KLF7: variants seen among roughly 807,000 people sequenced by gnomAD.
KLF7 encodes KLF transcription factor 7.
Under a neutral mutation model 27.3 loss-of-function variants are expected in KLF7, and 2 were observed. The observed-to-expected ratio is 0.07, with a 90% CI of 0.03 to 0.23. The LOEUF (loss-of-function observed/expected upper bound fraction) is 0.23. Ranked by LOEUF, KLF7 falls within the 10% of genes least tolerant of loss-of-function variation. The pLI, the probability that KLF7 is intolerant of heterozygous loss-of-function variation, is 1.00. For synonymous variants in KLF7, 165 were observed against 162.4 expected (o/e 1.02, Z -0.12); for missense variants, 221 against 394.1 (o/e 0.56, Z 3.72).
intron 1 of KLF7, among the ~76,000 whole-genome samples, chr2:207,153,055 A>G (rs1194582356): frequency 1.3e-5 from 2 of 152,184 alleles, no homozygotes; most frequent in Non-Finnish European, 2.9e-5. Context: ...TCCTAAATCT[A>G]CCTACACTGT....
At chr2:207,159,240 T>C (rs184047579) in intron 1 of KLF7, among the ~76,000 whole-genome samples, 37 of 152,372 alleles carry the variant, frequency 2.4e-4, no homozygotes, top group Non-Finnish European at 4.3e-4. Flanking sequence ...CTGGCCATTA[T>C]GGATATGTGT....
chr2:207,132,868 C>A (rs900947266), intron 1 of KLF7, among the ~76,000 whole-genome samples: 1 of 152,234 alleles, frequency 6.6e-6, no homozygotes, highest in African/African-American at 2.4e-5. Flanking sequence ...CCTCAAAATT[C>A]AATGCGACCA....
upstream of KLF7, chr2:207,166,782 A>AGG: frequency 1.0e-6 from 1 of 993,070 alleles, no homozygotes; most frequent in Non-Finnish European, 1.2e-6. Flanking sequence ...AAAGGCATCC[A>AGG]GGGCCCCTTC....
upstream of KLF7, chr2:207,166,413 A>C (rs1386274255): frequency 2.6e-5 from 4 of 155,032 alleles, no homozygotes; most frequent in African/African-American, 9.7e-5. Context: ...AGGGACAGGG[A>C]GGGTCGTGGC....
intron 2 of KLF7, among the ~76,000 whole-genome samples, chr2:207,108,945 C>A (rs1019952272): frequency 6.6e-6 from 1 of 152,234 alleles, no homozygotes; most frequent in Non-Finnish European, 1.5e-5. Context: ...AACTCATACA[C>A]CAAGATCCAC....
Position 207,079,075 on chromosome 2 carries a change from T to TG in KLF7, c.*2137_*2138insC. 6.6e-6 allele frequency: 1 copy of TG among 151,650 alleles called. No homozygotes were observed. 9.4% of individuals were successfully genotyped at this position (151,650 alleles called of 1,614,324 possible). ...GTTTTGTATTATTTTGTTTTTTTTT[T>TG]TGTTTTTGTTTTTGTTTTTTTTGGT... On this transcript the variant is annotated 3_prime_UTR_variant, in exon 4 of 4. Transcript: ENST00000309446.
chr2:207,114,172 T>C (rs1420637702), intron 2 of KLF7, among the ~76,000 whole-genome samples: 1 of 152,238 alleles, frequency 6.6e-6, no homozygotes, highest in East Asian at 1.9e-4. Flanking sequence ...ATTGATTTTC[T>C]GACATTCTCT....
chr2:207,136,653 G>A (rs922000865), intron 1 of KLF7, among the ~76,000 whole-genome samples: 1 of 152,144 alleles, frequency 6.6e-6, no homozygotes, highest in African/African-American at 2.4e-5. Flanking sequence ...TATTAACATA[G>A]AAGTTTCAGG....
chr2:207,082,230 AT>A (rs2076289168), intron 3 of KLF7, among the ~76,000 whole-genome samples: 1 of 152,182 alleles, frequency 6.6e-6, no homozygotes, highest in Non-Finnish European at 1.5e-5. Flanking sequence ...AACAACAGCC[AT>A]GTGACCTGTA....
At chr2:207,088,372 T>A in intron 3 of KLF7, 86 bp downstream of exon 3, 1 of 1,480,152 alleles carries the variant, frequency 6.8e-7, no homozygotes, top group South Asian at 1.3e-5. Context: ...AGACCTGTGA[T>A]AAGTCCAAGC....
At chr2:207,172,533 G>A in the KLF7 span, among the ~76,000 whole-genome samples, 17,377 of 152,072 alleles carry the variant, frequency 0.11, 1,263 homozygotes, top group Middle Eastern at 0.17. Flanking sequence ...CTTGTGATAA[G>A]GGAGGAAAAG....
intron 2 of KLF7, among the ~76,000 whole-genome samples, chr2:207,089,727 A>G (rs1321421217): frequency 6.6e-6 from 1 of 152,158 alleles, no homozygotes; most frequent in Non-Finnish European, 1.5e-5. Flanking sequence ...TCTTAGAGAT[A>G]ATAATAATAG....
In KLF7 at chr2:207,076,675, C is replaced by T. The variant is rs181392302; in HGVS notation, c.*4538G>A. ...CATCTCAAGTATTCCCAAAGATCCT[C>T]ACTGAGGAAAGTAGGCCATCAAAGA... On this transcript the variant is annotated 3_prime_UTR_variant, in exon 4 of 4. Transcript: ENST00000309446. 2 of 152,288 alleles carry T rather than the reference C, an allele frequency of 1.3e-5. No homozygotes were observed. The highest frequency in any genetic ancestry group is 1.3e-4 in the Admixed American group (2 of 15,292). 9.4% of individuals were successfully genotyped at this position (152,288 alleles called of 1,614,324 possible). A position where few individuals can be genotyped will look rare whatever the true frequency, so the allele number is the denominator to read the frequency against.
chr2:207,165,424 C>T (rs2078679067), intron 1 of KLF7, 43 bp downstream of exon 1: 1 of 1,613,116 alleles, frequency 6.2e-7, no homozygotes, highest in African/African-American at 1.3e-5. Context: ...CCTGCGTCTC[C>T]GCCGCCACCA....
intron 1 of KLF7, among the ~76,000 whole-genome samples, chr2:207,154,644 G>A (rs1419698905): frequency 1.3e-5 from 2 of 152,162 alleles, no homozygotes; most frequent in Admixed American, 1.3e-4. Flanking sequence ...GAGAGAAAGA[G>A]CATTGTGCCT....
intron 1 of KLF7, among the ~76,000 whole-genome samples, chr2:207,154,882 G>A (rs2078339548): frequency 6.6e-6 from 1 of 152,120 alleles, no homozygotes; most frequent in South Asian, 2.1e-4. Flanking sequence ...CCTTAAAAGT[G>A]CCTCGCACAG....
intron 2 of KLF7, among the ~76,000 whole-genome samples, chr2:207,104,674 C>T (rs1310216770): frequency 6.6e-6 from 1 of 152,188 alleles, no homozygotes; most frequent in Non-Finnish European, 1.5e-5. Flanking sequence ...CAAGTTCACC[C>T]AACTTATATG....
Position 207,079,067 on chromosome 2 carries a change from T to G in KLF7, c.*2146A>C, listed in dbSNP as rs1033321718. ...TTTTTTTCGTTTTGTATTATTTTGT[T>G]TTTTTTTTTGTTTTTGTTTTTGTTT... On this transcript the variant is annotated 3_prime_UTR_variant, in exon 4 of 4. Transcript: ENST00000309446. 14 of 5,918 alleles carry G rather than the reference T, an allele frequency of 2.4e-3. No homozygotes were observed. Among genetic ancestry groups the G allele is most frequent in the Non-Finnish European group, 5.1e-3 (8 of 1,584 alleles). The allele number at this position is 5,918 out of a possible 1,614,324, so 0.4% of individuals were successfully genotyped here.
chr2:207,148,887 G>T, intron 1 of KLF7: 3 of 422,706 alleles, frequency 7.1e-6, no homozygotes, highest in Non-Finnish European at 1.0e-5. Context: ...CATCTGCTTT[G>T]GGGGCAGGGA....
Sources: gnomAD v4.1 joint callset for allele counts (sites outside exome capture counted in the v4.1 genomes callset) on GRCh38, gnomAD v4.1.1 for gene constraint, MANE v1.5 for transcripts, NCBI Gene and HGNC (gene_info 2026-07-23, HGNC 2026-07-21) for gene names.